AGBL4: variants seen among roughly 807,000 people sequenced by gnomAD.
AGBL4 encodes the protein AGBL carboxypeptidase 4, also known as cytosolic carboxypeptidase 6.
AGBL4 carries 58 observed loss-of-function variants against 66.4 expected under a neutral mutation model. The ratio of observed to expected loss-of-function variants is 0.87; its 90% CI spans 0.71 to 1.09. The LOEUF (loss-of-function observed/expected upper bound fraction) is 1.09, where lower values mean the gene tolerates loss of function less well. AGBL4 is among the 50% of genes least tolerant of loss of function. The pLI, the probability that AGBL4 is intolerant of heterozygous loss-of-function variation, is 0.00. For synonymous variants in AGBL4, 234 were observed against 222.9 expected, an observed-to-expected ratio of 1.05 and a Z score of -0.44; for missense variants, 579 against 631.0, an observed-to-expected ratio of 0.92 and a Z score of 0.88.
chr1:49,459,789 G>A (rs1005388449), intron 3 of AGBL4, among the ~76,000 whole-genome samples: 18 of 151,568 alleles, frequency 1.2e-4, no homozygotes, highest in African/African-American at 4.1e-4. Flanking sequence ...TTTGATGTAG[G>A]TATTTATTGC....
chr1:48,876,818 G>A (rs1423191856), intron 5 of AGBL4, among the ~76,000 whole-genome samples: 17 of 152,160 alleles, frequency 1.1e-4, no homozygotes. Flanking sequence ...CAAGTTTCAT[G>A]ATTATAAATT....
At chr1:48,909,855 A>G (rs1652936491) in intron 5 of AGBL4, among the ~76,000 whole-genome samples, 1 of 152,180 alleles carries the variant, frequency 6.6e-6, no homozygotes, top group African/African-American at 2.4e-5. Flanking sequence ...CTTGAAATAT[A>G]CTATATTTAT....
chr1:48,768,303 G>C (rs1027652899), intron 6 of AGBL4, among the ~76,000 whole-genome samples: 1 of 152,096 alleles, frequency 6.6e-6, no homozygotes, highest in African/African-American at 2.4e-5. Context: ...ATGACCTGTT[G>C]CCAAACTCCT....
chr1:49,884,946 A>C (rs1647859633), intron 1 of AGBL4, among the ~76,000 whole-genome samples: 1 of 151,898 alleles, frequency 6.6e-6, no homozygotes, highest in South Asian at 2.1e-4. Flanking sequence ...ACATCTAGAA[A>C]TAGACTTTAG....
intron 1 of AGBL4, among the ~76,000 whole-genome samples, chr1:49,979,529 T>G (rs1420260256): frequency 6.7e-6 from 1 of 150,346 alleles, no homozygotes; most frequent in African/African-American, 2.4e-5. Flanking sequence ...CAGGAAAAAA[T>G]GTAAGCAATT....
intron 6 of AGBL4, among the ~76,000 whole-genome samples, chr1:48,830,498 C>T (rs959861343): frequency 6.6e-5 from 10 of 152,210 alleles, no homozygotes; most frequent in African/African-American, 1.9e-4. Flanking sequence ...CTGAGAGCCT[C>T]TTGAGGTCAG....
At chr1:49,042,495 C>A (rs1460318197) in intron 5 of AGBL4, among the ~76,000 whole-genome samples, 1 of 152,096 alleles carries the variant, frequency 6.6e-6, no homozygotes, top group Non-Finnish European at 1.5e-5. Flanking sequence ...CTTTTCCTTC[C>A]TTTAGTTAAA....
chr1:48,620,386 C>G (rs928127618), intron 9 of AGBL4, among the ~76,000 whole-genome samples: 2 of 152,158 alleles, frequency 1.3e-5, no homozygotes, highest in Non-Finnish European at 1.5e-5. Context: ...AAGCAATCCT[C>G]CTGCCTAAGC....
intron 3 of AGBL4, among the ~76,000 whole-genome samples, chr1:49,430,242 A>C (rs1373360277): frequency 2.0e-5 from 3 of 152,076 alleles, no homozygotes; most frequent in Non-Finnish European, 1.5e-5. Flanking sequence ...TTGCCTGTGT[A>C]ATTGCTATCT....
At chr1:49,960,650 T>C (rs1657043362) in intron 1 of AGBL4, among the ~76,000 whole-genome samples, 2 of 152,110 alleles carry the variant, frequency 1.3e-5, no homozygotes. Context: ...ATTGTATGTA[T>C]CAAAACATCA....
At chr1:49,384,465 C>T (rs929007371) in intron 3 of AGBL4, among the ~76,000 whole-genome samples, 1 of 151,778 alleles carries the variant, frequency 6.6e-6, no homozygotes, top group Admixed American at 6.6e-5. Context: ...TGGTGGTGTG[C>T]ACCTGTAGGC....
chr1:48,699,001 C>T (rs1646758840), intron 6 of AGBL4, among the ~76,000 whole-genome samples: 1 of 152,180 alleles, frequency 6.6e-6, no homozygotes, highest in Non-Finnish European at 1.5e-5. Context: ...GTTGGGGATC[C>T]TCTGTGGACC....
intron 2 of AGBL4, among the ~76,000 whole-genome samples, chr1:49,758,688 C>T (rs1440045955): frequency 6.6e-6 from 1 of 150,712 alleles, no homozygotes; most frequent in Non-Finnish European, 1.5e-5. Flanking sequence ...GCCCATAACC[C>T]AATCATATCT....
chr1:49,136,248 T>C (rs114651203), intron 4 of AGBL4, among the ~76,000 whole-genome samples: 2,773 of 152,276 alleles, frequency 0.018, 38 homozygotes, highest in Non-Finnish European at 0.031. Flanking sequence ...TGTAGATAAT[T>C]TGAAAAGGAA....
chr1:48,934,989 C>T (rs987957308), intron 5 of AGBL4, among the ~76,000 whole-genome samples: 4 of 152,056 alleles, frequency 2.6e-5, no homozygotes, highest in African/African-American at 9.7e-5. Flanking sequence ...TATTTTCAGT[C>T]GTTCATTCAT....
chr1:49,570,361 CA>C (rs1306767322), intron 3 of AGBL4, among the ~76,000 whole-genome samples: 3 of 152,032 alleles, frequency 2.0e-5, no homozygotes, highest in Non-Finnish European at 4.4e-5. Context: ...GCTTCTTGGC[CA>C]TATGCATATC....
chr1:48,976,748 C>T (rs1571143732), intron 5 of AGBL4, among the ~76,000 whole-genome samples: 1 of 152,066 alleles, frequency 6.6e-6, no homozygotes, highest in Non-Finnish European at 1.5e-5. Flanking sequence ...GCCTGGAATG[C>T]TCTTCCCCTA....
At chr1:49,935,839 G>T (rs777387749) in intron 1 of AGBL4, among the ~76,000 whole-genome samples, 1 of 152,082 alleles carries the variant, frequency 6.6e-6, no homozygotes, top group Non-Finnish European at 1.5e-5. Flanking sequence ...CCATCTGTAC[G>T]TCACCATCAT....
intron 6 of AGBL4, among the ~76,000 whole-genome samples, chr1:48,833,746 G>A (rs1209240221): frequency 6.6e-6 from 1 of 152,146 alleles, no homozygotes; most frequent in African/African-American, 2.4e-5. Context: ...TCAGAAATCA[G>A]GACAGAATGA....
Sources: gnomAD v4.1 joint callset for allele counts (sites outside exome capture counted in the v4.1 genomes callset) on GRCh38, gnomAD v4.1.1 for gene constraint, MANE v1.5 for transcripts, NCBI Gene and HGNC (gene_info 2026-07-23, HGNC 2026-07-21) for gene names.